DEPDC5: variants seen among roughly 807,000 people sequenced by gnomAD.
The protein encoded by DEPDC5 is DEP domain containing 5, GATOR1 subcomplex subunit.
DEPDC5 carries 73 observed loss-of-function variants against 217.3 expected under a neutral mutation model. That is an observed-to-expected ratio of 0.34 (90% CI 0.28 to 0.41). The LOEUF is 0.41. DEPDC5 is among the 10% of genes least tolerant of loss of function. The pLI is 1.00. For synonymous variants in DEPDC5, 733 were observed against 756.7 expected, an observed-to-expected ratio of 0.97 and a Z score of 0.51; for missense variants, 1,675 against 2,070.1, an observed-to-expected ratio of 0.81 and a Z score of 3.70.
At chr22:31,853,720 G>T (rs915668563) in intron 31 of DEPDC5, among the ~76,000 whole-genome samples, 1 of 152,158 alleles carries the variant, frequency 6.6e-6, no homozygotes, top group Non-Finnish European at 1.5e-5. Flanking sequence ...TCTTAGCTTT[G>T]TGCTGATTAA....
chr22:31,822,621 G>C, intron 23 of DEPDC5, 72 bp from the exon 24 acceptor site: 2 of 1,471,020 alleles, frequency 1.4e-6, no homozygotes, highest in Admixed American at 3.6e-5. Flanking sequence ...TCCCACCCCC[G>C]GGATATAGGT....
rs760860329 is a variant in DEPDC5, at chr22:31,850,655, T to TA, written c.3155+3690dup. Among the ~76,000 whole-genome samples, 8 of 152,320 alleles carry TA rather than the reference T, an allele frequency of 5.3e-5. No homozygotes were observed. In the East Asian group the frequency reaches 1.2e-3, roughly 22 times the overall value. On this transcript the variant is annotated intron_variant, in intron 31 of 42. Coordinates refer to ENST00000651528, the MANE Select transcript of DEPDC5 (RefSeq NM_001242896.3). ...GGCCAGGTGCAGTGGCCCATGCCTA[T>TA]AATCCTAGCACTTTGAGAGGCCAAG...
At chr22:31,798,524 A>T in intron 13 of DEPDC5, 58 bp from the exon 14 acceptor site, 1 of 1,505,230 alleles carries the variant, frequency 6.6e-7, no homozygotes, top group Non-Finnish European at 9.1e-7. Context: ...TTTAAAATTA[A>T]AAAAAAAAGT....
At chr22:31,859,663 G>C (rs890618763) in intron 32 of DEPDC5, among the ~76,000 whole-genome samples, 1 of 152,236 alleles carries the variant, frequency 6.6e-6, no homozygotes, top group South Asian at 2.1e-4. Flanking sequence ...AAAGTGCTGG[G>C]ATTACAGGCG....
In DEPDC5 at chr22:31,870,571, A is replaced by G. The variant is rs377292271; in HGVS notation, c.3331-19A>G. 1.8e-4 allele frequency: 266 copies of G among 1,488,072 alleles called. No homozygotes were observed. Among genetic ancestry groups the G allele is most frequent in the Non-Finnish European group, 5.7e-5 (64 of 1,116,140 alleles). 92.2% of individuals were successfully genotyped at this position (1,488,072 alleles called of 1,614,324 possible). A position where few individuals can be genotyped will look rare whatever the true frequency, so the allele number is the denominator to read the frequency against. On this transcript the variant is annotated intron_variant, in intron 33 of 42. Transcript: ENST00000651528. ...CAGTTATTTTTGGAATCAAGTATTC[A>G]TTTTTAAATCTCCTGCAGGTATCTG...
intron 17 of DEPDC5, 47 bp downstream of exon 17, chr22:31,804,962 C>T: frequency 1.3e-6 from 2 of 1,535,816 alleles, no homozygotes; most frequent in Non-Finnish European, 1.8e-6. Flanking sequence ...TTTTGAACAG[C>T]TTCCTTGCCA....
chr22:31,894,347 T>A (rs2093503484), intron 39 of DEPDC5: 1 of 152,160 alleles, frequency 6.6e-6, no homozygotes, highest in Non-Finnish European at 1.5e-5. Context: ...TCCATGTCAG[T>A]ACAAATAAAT....
At chr22:31,828,551 G>A (rs1316342377) in intron 24 of DEPDC5, among the ~76,000 whole-genome samples, 1 of 151,140 alleles carries the variant, frequency 6.6e-6, no homozygotes, top group Non-Finnish European at 1.5e-5. Flanking sequence ...ACTGAAGCAT[G>A]ATTTAATTTT....
chr22:31,802,724 A>C lies in DEPDC5; in HGVS notation c.967A>C (p.Asn323His). 6.3e-7 allele frequency: 1 copy of C among 1,587,818 alleles called. No homozygotes were observed. The highest frequency in any genetic ancestry group is 1.2e-5 in the South Asian group (1 of 86,774). The change falls in exon 15 of 43, where the codon AAC (asparagine) becomes CAC (histidine). Residue 323 changes from asparagine to histidine, a missense_variant. Around this residue, in one of 11 missense-constraint regions of DEPDC5, gnomAD observed 628 missense variants for 762.1 expected, o/e 0.82. Coordinates refer to ENST00000651528, the MANE Select transcript of DEPDC5 (RefSeq NM_001242896.3). ...TCTAGTGTTTGATAAGCACTACATC[A>C]ACCGCAACTTTGACCGAACTGGGCA... ...SFNVFDKHYINRNFDRTGQMS... is the reference protein window; with the variant it reads ...SFNVFDKHYIHRNFDRTGQMS...
chr22:31,756,541 A>G (rs747865422), intron 2 of DEPDC5, among the ~76,000 whole-genome samples: 1 of 152,254 alleles, frequency 6.6e-6, no homozygotes, highest in Non-Finnish European at 1.5e-5. Context: ...TACAGTATAT[A>G]CAACGTATAC....
chr22:31,815,696 G>A, intron 21 of DEPDC5: 1 of 636,092 alleles, frequency 1.6e-6, no homozygotes, highest in Non-Finnish European at 2.5e-6. Flanking sequence ...ACACCCAGCT[G>A]ATTATCATAT....
At chr22:31,790,735 CT>C (rs1173389043) in intron 10 of DEPDC5, among the ~76,000 whole-genome samples, 187 of 143,894 alleles carry the variant, frequency 1.3e-3, no homozygotes, top group African/African-American at 2.0e-3. Flanking sequence ...CCCTATCTCT[CT>C]TTTTTTTTTT....
chr22:31,861,422 T>C lies in DEPDC5; in HGVS notation c.3319T>C (p.Phe1107Leu), dbSNP rs1481478267. ...VRSPRTASSAFYPQVSVDQTA... is the reference protein window; with the variant it reads ...VRSPRTASSALYPQVSVDQTA... Reference sequence around the variant, plus strand: ...CAGCCCACGCACAGCATCGTCCGCCTTCTACCCTCAGGTTAGTCCAACTCC... The same window carrying C: ...CAGCCCACGCACAGCATCGTCCGCCCTCTACCCTCAGGTTAGTCCAACTCC... The change falls in exon 33 of 43, where the codon TTC (phenylalanine) becomes CTC (leucine). Residue 1107 changes from phenylalanine (F) to leucine (L), a missense_variant. By Grantham distance (22) the Phe-to-Leu change is conservative. This residue lies in a region of DEPDC5 where 126 missense variants were observed against 113.8 expected (regional missense o/e 1.11). Transcript: ENST00000651528. 8 of 1,551,478 alleles carry C rather than the reference T, an allele frequency of 5.2e-6. No homozygotes were observed. The highest frequency in any genetic ancestry group is 6.1e-6 in the Non-Finnish European group (7 of 1,146,966).
chr22:31,806,104 T>C lies in DEPDC5; in HGVS notation c.1218-18T>C, dbSNP rs1480142080. On this transcript the variant is annotated intron_variant, in intron 17 of 42. Transcript: ENST00000651528. ...TAAAGGGAATTTAGATTAATGACTC[T>C]GTTTGTTTCTTTTACAGTTTCTACA... 2 of 1,600,580 alleles carry C rather than the reference T, an allele frequency of 1.2e-6. No homozygotes were observed. Among genetic ancestry groups the C allele is most frequent in the African/African-American group, 1.4e-5 (1 of 71,620 alleles).
chr22:31,845,420 G>A (rs979783590), intron 30 of DEPDC5, among the ~76,000 whole-genome samples, 183 bp downstream of exon 30: 3 of 152,196 alleles, frequency 2.0e-5, no homozygotes, highest in African/African-American at 7.2e-5. Flanking sequence ...ATAGAGTGCA[G>A]GCAGTGACTG....
At chr22:31,898,479 C>G (rs931435946) in intron 40 of DEPDC5, among the ~76,000 whole-genome samples, 2 of 152,140 alleles carry the variant, frequency 1.3e-5, no homozygotes, top group Non-Finnish European at 2.9e-5. Flanking sequence ...GATGCTGATA[C>G]GTCAGGAGCC....
intron 35 of DEPDC5, 120 bp downstream of exon 35, chr22:31,873,452 C>T (rs1046723051): frequency 2.8e-6 from 3 of 1,069,438 alleles, no homozygotes; most frequent in South Asian, 1.7e-5. Flanking sequence ...GTTTTGAGAG[C>T]TTGGGCAAGT....
rs1396979413 is a variant in DEPDC5, at chr22:31,843,113, G to T, written c.2534G>T (p.Arg845Leu). ...LYSRGLVSRN[R>L]PEEEDQYWLS... Reference sequence around the variant, plus strand: ...CTGTTAGGCCTTGTGTCCCGAAACCGCCCTGAGGAGGAGGACCAGTATTGG... The same window carrying T: ...CTGTTAGGCCTTGTGTCCCGAAACCTCCCTGAGGAGGAGGACCAGTATTGG... Residue 845 changes from arginine to leucine, a missense_variant, in exon 28 of 43, where the codon CGC (arginine) becomes CTC (leucine). By Grantham distance (102) the Arg-to-Leu change is moderately radical. This residue lies in a region of DEPDC5 where 293 missense variants were observed against 386.1 expected (regional missense o/e 0.76). Coordinates refer to ENST00000651528, the MANE Select transcript of DEPDC5 (RefSeq NM_001242896.3). The T allele has an allele frequency of 6.2e-7, 1 of 1,613,716 alleles. No homozygotes were observed. The highest frequency in any genetic ancestry group is 1.1e-5 in the South Asian group (1 of 90,958).
In DEPDC5 at chr22:31,893,642, A is replaced by G; in HGVS notation, c.4094A>G (p.Asp1365Gly). 6.2e-7 allele frequency: 1 copy of G among 1,613,898 alleles called. No individual in the cohort carries two copies. Among genetic ancestry groups the G allele is most frequent in the African/African-American group, 1.3e-5 (1 of 75,014 alleles). ...GATGTTGACGTGAACAACCGCACAG[A>G]CCGGCTGGAGTGGTGCAGCTGTTAT... ...TLDVDVNNRT[D>G]RLEWCSCYYH... The change falls in exon 39 of 43, where the codon GAC (aspartate) becomes GGC (glycine). Residue 1365 changes from aspartate (D) to glycine (G), a missense_variant. By Grantham distance (94) the Asp-to-Gly change is moderately conservative. This residue lies in a region of DEPDC5 where 182 missense variants were observed against 290.1 expected (regional missense o/e 0.63). Transcript: ENST00000651528.
Sources: gnomAD v4.1 joint callset for allele counts (sites outside exome capture counted in the v4.1 genomes callset) on GRCh38, gnomAD v4.1.1 for gene constraint, gnomAD v4.1.1 regional missense constraint, MANE v1.5 for transcripts, NCBI Gene and HGNC (gene_info 2026-07-23, HGNC 2026-07-21) for gene names.